Variants in KCNN2 observed in about 807,000 individuals in gnomAD.
KCNN2 encodes small conductance calcium-activated potassium channel protein 2.
In KCNN2, 24 loss-of-function variants were observed where a neutral mutation model predicts 55.5. The ratio of observed to expected loss-of-function variants is 0.43; its 90% CI spans 0.31 to 0.61. KCNN2 has a LOEUF of 0.61. KCNN2 is among the 20% of genes least tolerant of loss of function. The pLI, the probability that KCNN2 is intolerant of heterozygous loss-of-function variation, is 0.08. For synonymous variants in KCNN2, 431 were observed against 336.1 expected (o/e 1.28, Z -3.09); for missense variants, 754 against 853.6 (o/e 0.88, Z 1.45).
At chr5:114,127,355 G>A (rs1387854721) in intron 1 of KCNN2, among the ~76,000 whole-genome samples, 3 of 152,180 alleles carry the variant, frequency 2.0e-5, no homozygotes, top group Non-Finnish European at 4.4e-5. Flanking sequence ...AAATCTAAGT[G>A]GAGGTTCCCC....
At chr5:114,123,554 G>C (rs551547624) in intron 1 of KCNN2, among the ~76,000 whole-genome samples, 1 of 119,182 alleles carries the variant, frequency 8.4e-6, no homozygotes, top group South Asian at 2.5e-4. Flanking sequence ...TAGTAGAGAC[G>C]GGGTTTCACT....
rs1325460054 is a variant in KCNN2, at chr5:114,493,387, A to G, written c.2019-16A>G. ...GGAAGAAGGGAACCTTTCTGATACC[A>G]GATTCTATCTTTTAGATTAAGAAGT... On this transcript the variant is annotated splice_polypyrimidine_tract_variant and intron_variant, in intron 6 of 7. Transcript: ENST00000673685. The G allele has an allele frequency of 6.7e-7, 1 of 1,499,578 alleles. No homozygotes were observed. Among genetic ancestry groups the G allele is most frequent in the East Asian group, 2.3e-5 (1 of 44,240 alleles). The allele number at this position is 1,499,578 out of a possible 1,614,324, so 92.9% of individuals were successfully genotyped here.
intron 1 of KCNN2, among the ~76,000 whole-genome samples, chr5:114,119,004 A>T (rs771698302): frequency 3.9e-5 from 6 of 152,166 alleles, no homozygotes; most frequent in Non-Finnish European, 7.4e-5. Flanking sequence ...GGATAATGCC[A>T]ATCTCATGGG....
intron 1 of KCNN2, among the ~76,000 whole-genome samples, chr5:114,080,912 G>T (rs1327963219): frequency 6.6e-6 from 1 of 152,036 alleles, no homozygotes; most frequent in Non-Finnish European, 1.5e-5. Flanking sequence ...GAGATGGTAT[G>T]ATCTTATACT....
intron 1 of KCNN2, among the ~76,000 whole-genome samples, chr5:114,160,922 G>A (rs1333449705): frequency 3.9e-5 from 6 of 152,162 alleles, no homozygotes; most frequent in East Asian, 3.9e-4. Context: ...TGGGTTTCCT[G>A]AATACAGCAC....
intron 1 of KCNN2, among the ~76,000 whole-genome samples, chr5:114,153,982 G>A (rs1302941624): frequency 6.6e-6 from 1 of 152,176 alleles, no homozygotes; most frequent in African/African-American, 2.4e-5. Flanking sequence ...CTCTCTCCTA[G>A]TCCAGTGGGT....
intron 6 of KCNN2, among the ~76,000 whole-genome samples, chr5:114,487,596 G>C (rs1747636895): frequency 6.6e-6 from 1 of 151,980 alleles, no homozygotes; most frequent in East Asian, 1.9e-4. Context: ...TCAGAATTTT[G>C]GCTGTGTTCA....
At chr5:114,132,065 TC>T (rs1182445299) in intron 1 of KCNN2, among the ~76,000 whole-genome samples, 2 of 152,220 alleles carry the variant, frequency 1.3e-5, no homozygotes, top group African/African-American at 4.8e-5. Flanking sequence ...AAAAATTTTC[TC>T]CCATTCTGTA....
chr5:114,399,929 T>G (rs866811550), intron 2 of KCNN2, among the ~76,000 whole-genome samples: 1,377 of 128,220 alleles, frequency 0.011, 26 homozygotes, highest in African/African-American at 0.049. Flanking sequence ...TTTTTTTTTT[T>G]GTTTTTTTTT....
At chr5:114,378,637 T>C (rs920727980) in intron 2 of KCNN2, among the ~76,000 whole-genome samples, 4 of 152,104 alleles carry the variant, frequency 2.6e-5, no homozygotes, top group African/African-American at 9.7e-5. Flanking sequence ...ATGGCTGTAG[T>C]TGAAACTTCT....
intron 1 of KCNN2, among the ~76,000 whole-genome samples, chr5:114,102,060 G>T (rs537798015): frequency 6.6e-6 from 1 of 152,252 alleles, no homozygotes; most frequent in Non-Finnish European, 1.5e-5. Flanking sequence ...CAGTGAAAAA[G>T]CATTCTTATT....
chr5:114,359,122 G>A (rs1386200506), upstream of KCNN2, among the ~76,000 whole-genome samples: 2 of 152,164 alleles, frequency 1.3e-5, no homozygotes, highest in South Asian at 2.1e-4. Flanking sequence ...GCCGATAAAT[G>A]TCTGATTGAT....
At chr5:114,434,411 A>G (rs1435821862) in intron 3 of KCNN2, among the ~76,000 whole-genome samples, 1 of 152,156 alleles carries the variant, frequency 6.6e-6, no homozygotes, top group Non-Finnish European at 1.5e-5. Flanking sequence ...ATCCCTTAAC[A>G]TACTAATCAT....
chr5:114,152,564 A>G (rs1271161013), intron 1 of KCNN2, among the ~76,000 whole-genome samples: 3 of 152,158 alleles, frequency 2.0e-5, no homozygotes, highest in South Asian at 2.1e-4. Context: ...CATTCTTCCA[A>G]TACATTTTTA....
chr5:114,305,538 G>T (rs1756251621), intron 2 of KCNN2, among the ~76,000 whole-genome samples: 1 of 152,188 alleles, frequency 6.6e-6, no homozygotes, highest in South Asian at 2.1e-4. Flanking sequence ...CACAGAGCCT[G>T]AGGATCTGTA....
intron 2 of KCNN2, among the ~76,000 whole-genome samples, chr5:114,307,558 A>T (rs1170083162): frequency 6.6e-6 from 1 of 152,134 alleles, no homozygotes; most frequent in Non-Finnish European, 1.5e-5. Flanking sequence ...CACATCTCTT[A>T]TAGTAAACTG....
At chr5:114,246,088 C>T (rs4476712) in intron 2 of KCNN2, among the ~76,000 whole-genome samples, 17,291 of 152,180 alleles carry the variant, frequency 0.11, 1,139 homozygotes, top group Middle Eastern at 0.23. Flanking sequence ...CTGATTTCCA[C>T]TGATCTGTTA....
chr5:114,289,029 G>A (rs186213567), intron 2 of KCNN2, among the ~76,000 whole-genome samples: 11 of 152,116 alleles, frequency 7.2e-5, no homozygotes, highest in Non-Finnish European at 1.0e-4. Flanking sequence ...TGTGCAGATG[G>A]CGTAGAGGCA....
chr5:114,435,996 T>C (rs1759992169), intron 3 of KCNN2, among the ~76,000 whole-genome samples: 1 of 152,202 alleles, frequency 6.6e-6, no homozygotes, highest in Admixed American at 6.5e-5. Flanking sequence ...GGTTTTTATC[T>C]CTGACCACCT....
Sources: gnomAD v4.1 joint callset for allele counts (sites outside exome capture counted in the v4.1 genomes callset) on GRCh38, gnomAD v4.1.1 for gene constraint, MANE v1.5 for transcripts, NCBI Gene and HGNC (gene_info 2026-07-23, HGNC 2026-07-21) for gene names.